Variants in RBM20 observed in about 807,000 individuals in gnomAD.
The protein encoded by RBM20 is RNA binding motif protein 20, also known as RNA-binding protein 20.
Under a neutral mutation model 110.1 loss-of-function variants are expected in RBM20, and 51 were observed. The observed-to-expected ratio is 0.46, with a 90% CI of 0.37 to 0.59. RBM20 has a LOEUF of 0.59. Ranked by LOEUF, RBM20 falls within the 20% of genes least tolerant of loss-of-function variation. The pLI is 0.00. For synonymous variants in RBM20, 589 were observed against 618.2 expected (o/e 0.95, Z 0.70); for missense variants, 1,512 against 1,574.9 (o/e 0.96, Z 0.68).
chr10:110,796,635 C>G (rs1844554125), intron 5 of RBM20, among the ~76,000 whole-genome samples: 1 of 152,140 alleles, frequency 6.6e-6, no homozygotes, highest in Admixed American at 6.5e-5. Flanking sequence ...CATCAATAGT[C>G]CCAGCTATTC....
chr10:110,653,712 C>T (rs776432676), intron 1 of RBM20, among the ~76,000 whole-genome samples: 4 of 152,070 alleles, frequency 2.6e-5, no homozygotes, highest in African/African-American at 9.7e-5. Flanking sequence ...TGCACCACCA[C>T]GCTCTCCTAA....
intron 12 of RBM20, among the ~76,000 whole-genome samples, chr10:110,829,699 G>C (rs1342279306): frequency 6.6e-6 from 1 of 152,328 alleles, no homozygotes; most frequent in South Asian, 2.1e-4. Context: ...CCTGGGAGGT[G>C]GGAGGAGGAA....
intron 1 of RBM20, among the ~76,000 whole-genome samples, chr10:110,758,600 G>A (rs1028008477): frequency 2.7e-4 from 41 of 152,260 alleles, no homozygotes; most frequent in Non-Finnish European, 1.5e-5. Context: ...TCAGTCACAT[G>A]AAGATATGAA....
chr10:110,780,620 G>GT lies in RBM20; in HGVS notation c.192-164dup, dbSNP rs34363441. On this transcript the variant is annotated intron_variant, in intron 1 of 13. Coordinates refer to ENST00000369519, the MANE Select transcript of RBM20 (RefSeq NM_001134363.3). ...TCTGTCATATAATTTTTCCATTGGA[G>GT]TTTTTTTTTTTTTTTTTAATGTGTA... is the stretch of plus-strand genomic sequence containing the variant. Among the ~76,000 whole-genome samples the GT allele has an allele frequency of 8.1e-4, 114 of 140,896 alleles. No individual in the cohort carries two copies. The East Asian group carries it at 8.6e-3, about 11-fold the overall frequency. The allele number at this position is 140,896 out of a possible 152,430, so 92.4% of individuals were successfully genotyped here.
At chr10:110,810,343 G>A in intron 7 of RBM20, 40 bp from the exon 8 acceptor site, 1 of 1,468,748 alleles carries the variant, frequency 6.8e-7, no homozygotes, top group Non-Finnish European at 9.3e-7. Context: ...TGTTTGCAAG[G>A]CCATCTCTGA....
chr10:110,811,280 C>T (rs564503758), intron 8 of RBM20, among the ~76,000 whole-genome samples: 5 of 152,146 alleles, frequency 3.3e-5, no homozygotes, highest in Non-Finnish European at 7.4e-5. Context: ...GTGAGGGCTA[C>T]GTGGTTTTCC....
At chr10:110,738,829 A>C (rs1326288011) in intron 1 of RBM20, among the ~76,000 whole-genome samples, 1 of 152,072 alleles carries the variant, frequency 6.6e-6, no homozygotes, top group Non-Finnish European at 1.5e-5. Context: ...CGAGGCTGAC[A>C]TTGGGGTTGG....
chr10:110,795,497 G>C (rs771183896), intron 5 of RBM20, among the ~76,000 whole-genome samples: 9 of 152,168 alleles, frequency 5.9e-5, no homozygotes, highest in Non-Finnish European at 1.2e-4. Context: ...AATTCTTATT[G>C]ACTGTAATTG....
At chr10:110,815,831 C>A (rs1844830686) in intron 9 of RBM20, among the ~76,000 whole-genome samples, 1 of 152,204 alleles carries the variant, frequency 6.6e-6, no homozygotes, top group Non-Finnish European at 1.5e-5. Context: ...AGTTCTGTCC[C>A]TCAAGTTGGT....
chr10:110,767,656 A>T (rs10787278), intron 1 of RBM20, among the ~76,000 whole-genome samples: 1 of 150,934 alleles, frequency 6.6e-6, no homozygotes, highest in Non-Finnish European at 1.5e-5. Flanking sequence ...AGACGGGGTC[A>T]CGGCCGGGTA....
chr10:110,680,954 C>T (rs1294391461), intron 1 of RBM20, among the ~76,000 whole-genome samples: 2 of 152,190 alleles, frequency 1.3e-5, no homozygotes, highest in Non-Finnish European at 2.9e-5. Flanking sequence ...CTCTTATTCT[C>T]TCTCTGTATT....
rs113520220 is a variant in RBM20 at position 110,805,694 on chromosome 10, T to C, written c.1801-4689T>C. 3.8e-3 allele frequency among the ~76,000 whole-genome samples: 584 copies of C among 152,324 alleles called. 8 individuals carry two copies. Among genetic ancestry groups the C allele is most frequent in the African/African-American group, 0.013 (553 of 41,568 alleles). ...GGTGCGGGCAGGGCTGGGGCTGCTC[T>C]TCCTGGGTTGAGATTCCTAGTGGTG... On this transcript the variant is annotated intron_variant, in intron 7 of 13. Coordinates refer to ENST00000369519, the MANE Select transcript of RBM20 (RefSeq NM_001134363.3).
rs576256139 is a variant in RBM20, at chr10:110,692,256, C to T, written c.191+47611C>T. Among the ~76,000 whole-genome samples the T allele has an allele frequency of 1.8e-3, 281 of 152,138 alleles. 1 individual carries two copies. Among genetic ancestry groups the T allele is most frequent in the African/African-American group, 6.5e-3 (270 of 41,516 alleles). On this transcript the variant is annotated intron_variant, in intron 1 of 13. Coordinates refer to ENST00000369519, the MANE Select transcript of RBM20 (RefSeq NM_001134363.3). ...ATTTCTTTGGCTATTTGGGATTTGT[C>T]CCTTAAGATTCCATGTGAAGTTTAG...
Position 110,781,847 on chromosome 10 carries a change from T to G in RBM20, c.1238T>G (p.Ile413Ser). 1 of 1,551,718 alleles carries G rather than the reference T, an allele frequency of 6.4e-7. No homozygotes were observed. The highest frequency in any genetic ancestry group is 8.7e-7 in the Non-Finnish European group (1 of 1,147,010). Reference sequence around the variant, plus strand: ...GTGGCCCCCCTCCACTTGCCGCATATCTGTAGCATCTGTGACAAGAAGGTG... The same window carrying G: ...GTGGCCCCCCTCCACTTGCCGCATAGCTGTAGCATCTGTGACAAGAAGGTG... ...HGVAPLHLPHICSICDKKVFD... is the reference protein window; with the variant it reads ...HGVAPLHLPHSCSICDKKVFD... The change falls in exon 2 of 14, where the codon ATC becomes AGC. Residue 413 changes from isoleucine (I) to serine (S), a missense_variant. Ile to Ser is a moderately radical substitution (Grantham distance 142). Coordinates refer to ENST00000369519, the MANE Select transcript of RBM20 (RefSeq NM_001134363.3).
chr10:110,812,744 A>T lies in RBM20; in HGVS notation c.2347A>T (p.Arg783Trp). 6.4e-7 allele frequency: 1 copy of T among 1,551,780 alleles called. No homozygotes were observed. The highest frequency in any genetic ancestry group is 8.7e-7 in the Non-Finnish European group (1 of 1,147,004). The change falls in exon 9 of 14, where the codon AGG (arginine) becomes TGG (tryptophan). Residue 783 changes from arginine (R) to tryptophan (W), a missense_variant. Physicochemically the swap from Arg to Trp is moderately radical, Grantham distance 101 (BLOSUM62 -3). This residue lies in a region of RBM20 where 1,149 missense variants were observed against 1,169.4 expected (regional missense o/e 0.98). Transcript: ENST00000369519. ...GCAGCAGGATGCCCCCGGGAGGTCC[A>T]GGAGGAAAGACGAGGCCAGGCTGCG... is the stretch of plus-strand genomic sequence containing the variant. Reference protein sequence around the residue: ...KQQQDAPGRSRRKDEARLRES... With the variant: ...KQQQDAPGRSWRKDEARLRES...
intron 1 of RBM20, among the ~76,000 whole-genome samples, chr10:110,759,298 G>C (rs1468066642): frequency 6.6e-6 from 1 of 152,078 alleles, no homozygotes; most frequent in African/African-American, 2.4e-5. Context: ...CATCCTAGGG[G>C]GCTCAGACCT....
chr10:110,679,772 G>A (rs574399655), intron 1 of RBM20, among the ~76,000 whole-genome samples: 7 of 152,316 alleles, frequency 4.6e-5, no homozygotes, highest in Admixed American at 2.6e-4. Flanking sequence ...CTTGGCTGAG[G>A]GCTGGGAGGC....
At chr10:110,768,035 C>T (rs1006296594) in intron 1 of RBM20, among the ~76,000 whole-genome samples, 1 of 152,234 alleles carries the variant, frequency 6.6e-6, no homozygotes, top group African/African-American at 2.4e-5. Flanking sequence ...GGAGACCAGC[C>T]CGGCCAACAC....
At chr10:110,703,116 T>C (rs1328132092) in intron 1 of RBM20, among the ~76,000 whole-genome samples, 1 of 151,668 alleles carries the variant, frequency 6.6e-6, no homozygotes, top group African/African-American at 2.4e-5. Flanking sequence ...GGCTCATGCC[T>C]GCAATAAAGC....
Sources: gnomAD v4.1 joint callset for allele counts (sites outside exome capture counted in the v4.1 genomes callset) on GRCh38, gnomAD v4.1.1 for gene constraint, gnomAD v4.1.1 regional missense constraint, MANE v1.5 for transcripts, NCBI Gene and HGNC (gene_info 2026-07-23, HGNC 2026-07-21) for gene names.